LY6G5B: variants seen among roughly 807,000 people sequenced by gnomAD.
LY6G5B encodes lymphocyte antigen 6 complex locus protein G5b.
A neutral mutation model predicts 6.7 loss-of-function variants in LY6G5B; 6 were observed. That is an observed-to-expected ratio of 0.89 (90% confidence interval 0.49 to 1.76). LY6G5B has a LOEUF of 1.76. Among genes scored for constraint, LY6G5B ranks in the 40% most tolerant of loss-of-function variants. The pLI is 0.01. For synonymous variants in LY6G5B, 98 were observed against 99.4 expected, an observed-to-expected ratio of 0.99 and a Z score of 0.09; for missense variants, 240 against 249.5, an observed-to-expected ratio of 0.96 and a Z score of 0.26.
chr6:31,672,257 G>C, exon 3 of LY6G5B: 1 of 1,612,960 alleles, frequency 6.2e-7, no homozygotes, highest in Middle Eastern at 1.6e-4. Flanking sequence ...CCCCAGGCTG[G>C]ACTCTTGACA....
At chr6:31,671,728 A>T in intron 2 of LY6G5B, 136 bp from the exon 3 acceptor site, 2 of 1,075,026 alleles carry the variant, frequency 1.9e-6, no homozygotes, top group Non-Finnish European at 2.6e-6. Flanking sequence ...AGCAGAGCTC[A>T]CTTTTCTAGC....
At chr6:31,671,424 C>G in intron 2 of LY6G5B, 140 bp downstream of exon 2, 1 of 1,292,802 alleles carries the variant, frequency 7.7e-7, no homozygotes, top group Non-Finnish European at 1.1e-6. Context: ...GCCTGTAACC[C>G]TAGCACTTTG....
chr6:31,671,106 G>C, intron 1 of LY6G5B, 50 bp from the exon 2 acceptor site: 4 of 1,613,106 alleles, frequency 2.5e-6, no homozygotes, highest in Non-Finnish European at 3.4e-6. Context: ...TACTGGCCCA[G>C]GGTATTTGAG....
chr6:31,670,742 G>C, exon 1 of LY6G5B: 1 of 564,948 alleles, frequency 1.8e-6, no homozygotes, highest in Non-Finnish European at 3.1e-6. Context: ...GACGTTGTGG[G>C]TGAGGACATG....
chr6:31,671,783 G>A, intron 2 of LY6G5B, 81 bp from the exon 3 acceptor site: 3 of 1,497,936 alleles, frequency 2.0e-6, no homozygotes, highest in Non-Finnish European at 2.7e-6. Context: ...TCTGGGTGAA[G>A]GATGGGAAAA....
chr6:31,672,333 CCT>C, exon 3 of LY6G5B: 1 of 1,547,296 alleles, frequency 6.5e-7, no homozygotes, highest in Non-Finnish European at 8.8e-7. Context: ...CCTGCACTGC[CCT>C]CTCTGAAAAC....
At chr6:31,671,087 C>T (rs760671302) in intron 1 of LY6G5B, 69 bp from the exon 2 acceptor site, 591 of 1,610,840 alleles carry the variant, frequency 3.7e-4, no homozygotes, top group Non-Finnish European at 4.7e-4. Context: ...CATGGATAAT[C>T]GGGCTTCCTA....
chr6:31,671,268 G>A (rs1802191345), exon 2 of LY6G5B: 2 of 1,613,680 alleles, frequency 1.2e-6, no homozygotes, highest in Non-Finnish European at 1.7e-6. Flanking sequence ...TGTGCATGGT[G>A]ATCACCATCT....
At chr6:31,672,509 A>G (rs778465451) in exon 3 of LY6G5B, 35 of 590,184 alleles carry the variant, frequency 5.9e-5, no homozygotes, top group Non-Finnish European at 7.6e-5. Context: ...CAGTGGCATG[A>G]TCTCTGCTCA....
exon 3 of LY6G5B, chr6:31,672,266 C>T (rs1223535443): frequency 6.2e-7 from 1 of 1,612,384 alleles, no homozygotes; most frequent in Non-Finnish European, 8.5e-7. Flanking sequence ...GGACTCTTGA[C>T]ACCTCACCCT....
chr6:31,670,638 A>C (rs1260831604), exon 1 of LY6G5B: 3 of 404,010 alleles, frequency 7.4e-6, no homozygotes, highest in Non-Finnish European at 1.3e-5. Flanking sequence ...AGGTCTTTGG[A>C]GGGTATGCAA....
At chr6:31,671,217 C>T (rs1168807533) in exon 2 of LY6G5B, 4 of 1,613,938 alleles carry the variant, frequency 2.5e-6, no homozygotes, top group African/African-American at 1.3e-5. Flanking sequence ...CTGTAGGATG[C>T]ATTTCAGGCT....
At chr6:31,671,048 C>CT (rs1215274120) in intron 1 of LY6G5B, 40 bp downstream of exon 1, 3 of 1,609,050 alleles carry the variant, frequency 1.9e-6, no homozygotes. Flanking sequence ...GAAGGGGTAA[C>CT]TGAGTCCAGG....
At position 31,671,193 on chromosome 6, in the gene LY6G5B, C is replaced by G. The variant is rs141943810; in HGVS notation, c.96C>G (p.Leu32=). 1.9e-6 allele frequency: 3 copies of G among 1,613,850 alleles called. No individual in the cohort carries two copies. Among genetic ancestry groups the G allele is most frequent in the Non-Finnish European group, 2.5e-6 (3 of 1,179,894 alleles). The change falls in exon 2 of 3, where the codon CTC becomes CTG. Residue 32 remains leucine, a synonymous_variant. Transcript: ENST00000375864. Reference sequence around the variant, plus strand: ...ACATCCGGACGTGCCACTTCTGCCTCGTAGAAGACCCTTCTGTAGGATGCA... The same window carrying G: ...ACATCCGGACGTGCCACTTCTGCCTGGTAGAAGACCCTTCTGTAGGATGCA...
exon 3 of LY6G5B, chr6:31,673,194 A>C (rs1802358153): frequency 6.6e-6 from 1 of 152,182 alleles, no homozygotes; most frequent in African/African-American, 2.4e-5. Context: ...TGAACCCGGG[A>C]GGCAGAGGTT....
chr6:31,670,368 T>C (rs1175713079), exon 1 of LY6G5B: 1 of 176,400 alleles, frequency 5.7e-6, no homozygotes, highest in East Asian at 1.6e-4. Flanking sequence ...TCTTTTAGTT[T>C]TAGTTCTAAA....
At chr6:31,671,503 C>A (rs1038093411) in intron 2 of LY6G5B, among the ~76,000 whole-genome samples, 5 of 152,028 alleles carry the variant, frequency 3.3e-5, no homozygotes, top group African/African-American at 1.2e-4. Flanking sequence ...TAGTGAGACC[C>A]TGTCTCTACA....
exon 3 of LY6G5B, chr6:31,671,904 C>T: frequency 1.2e-6 from 2 of 1,613,052 alleles, no homozygotes; most frequent in Non-Finnish European, 1.7e-6. Context: ...GTGGACAGTA[C>T]ATTTCCTACC....
chr6:31,670,990 G>T, exon 1 of LY6G5B: 2 of 1,612,660 alleles, frequency 1.2e-6, no homozygotes, highest in Non-Finnish European at 1.7e-6. Flanking sequence ...GGTCATGGTG[G>T]GCTTCACAGT....
Sources: gnomAD v4.1 joint callset for allele counts (sites outside exome capture counted in the v4.1 genomes callset) on GRCh38, gnomAD v4.1.1 for gene constraint, MANE v1.5 for transcripts, NCBI Gene and HGNC (gene_info 2026-07-23, HGNC 2026-07-21) for gene names.